PITPNM3: variants seen among roughly 807,000 people sequenced by gnomAD.
PITPNM3 encodes PITPNM family member 3.
PITPNM3 carries 26 observed loss-of-function variants against 102.0 expected under a neutral mutation model. That is an observed-to-expected ratio of 0.25 (90% confidence interval 0.19 to 0.35). The LOEUF (loss-of-function observed/expected upper bound fraction) is 0.35. Ranked by LOEUF, PITPNM3 falls within the 10% of genes least tolerant of loss-of-function variation. The pLI is 1.00. For synonymous variants in PITPNM3, 578 were observed against 558.6 expected, an observed-to-expected ratio of 1.03 and a Z score of -0.49; for missense variants, 1,083 against 1,346.1, an observed-to-expected ratio of 0.80 and a Z score of 3.06.
chr17:6,455,100 G>C lies in PITPNM3; in HGVS notation c.*238C>G. The stretch of plus-strand genomic sequence containing the variant: ...TGAACCCTGACTTGGGCTTGCGGTC[G>C]CAGGCCCGTGGGAGGCAGCAGTGGC... On this transcript the variant is annotated 3_prime_UTR_variant, in exon 20 of 20. Transcript: ENST00000262483. The C allele has an allele frequency of 1.8e-6, 1 of 550,032 alleles. No individual in the cohort carries two copies. Among genetic ancestry groups the C allele is most frequent in the Non-Finnish European group, 3.1e-6 (1 of 321,562 alleles). The allele number at this position is 550,032 out of a possible 1,614,324, so 34.1% of individuals were successfully genotyped here.
chr17:6,470,002 A>G lies in PITPNM3; in HGVS notation c.1773+258T>C, dbSNP rs1191742314. ...AGTCTCCAAGTTGAAACACTGGGAC[A>G]CTCTCCTGCGTAGTTTATATTTAAT... On this transcript the variant is annotated intron_variant, in intron 13 of 19. Transcript: ENST00000262483. The surrounding 1 kb of genome is among the most constrained non-coding windows in gnomAD (Gnocchi z 4.8). Among the ~76,000 whole-genome samples the G allele has an allele frequency of 1.3e-5, 2 of 152,004 alleles. No homozygotes were observed. Among genetic ancestry groups the G allele is most frequent in the Non-Finnish European group, 2.9e-5 (2 of 67,996 alleles).
intron 3 of PITPNM3, among the ~76,000 whole-genome samples, chr17:6,511,564 A>C (rs1907864988): frequency 6.6e-6 from 1 of 152,214 alleles, no homozygotes; most frequent in South Asian, 2.1e-4. Context: ...AACTAATTAA[A>C]AATTTCAAGA....
At chr17:6,483,919 A>C (rs752111259) in intron 5 of PITPNM3, among the ~76,000 whole-genome samples, 167 bp from the exon 6 acceptor site, 15 of 152,168 alleles carry the variant, frequency 9.9e-5, no homozygotes, top group Non-Finnish European at 2.1e-4. Context: ...TCTCAGCTGC[A>C]ATCTGAGGAG....
chr17:6,471,154 C>T lies in PITPNM3; in HGVS notation c.1624+7G>A. The T allele has an allele frequency of 1.2e-6, 2 of 1,611,918 alleles. No individual in the cohort carries two copies. Among genetic ancestry groups the T allele is most frequent in the Non-Finnish European group, 1.7e-6 (2 of 1,179,936 alleles). ...TCCAGGCAGGGCCCCAAAAGGACCT[C>T]ACTCACTGCGGGAGGCACCCACGGG... On this transcript the variant is annotated splice_region_variant and intron_variant, in intron 12 of 19. Transcript: ENST00000262483.
At chr17:6,480,481 G>A (rs1905596495) in intron 6 of PITPNM3, 2 of 152,276 alleles carry the variant, frequency 1.3e-5, no homozygotes. Context: ...ATTCTCCTGG[G>A]GAATTCGGAG....
chr17:6,535,194 C>CCAGGGTCAGGGT (rs143350275), intron 2 of PITPNM3, among the ~76,000 whole-genome samples: 7 of 151,466 alleles, frequency 4.6e-5, no homozygotes, highest in African/African-American at 1.7e-4. Flanking sequence ...GAGACCACAC[C>CCAGGGTCAGGGT]CAGGGTCAGG....
intron 2 of PITPNM3, among the ~76,000 whole-genome samples, chr17:6,528,580 T>C (rs538676969): frequency 1.3e-5 from 2 of 152,228 alleles, no homozygotes; most frequent in East Asian, 3.9e-4. Context: ...CATATGTGCA[T>C]GTGTGTGCAT....
chr17:6,551,427 C>T (rs1020237707), intron 1 of PITPNM3, among the ~76,000 whole-genome samples: 1 of 151,906 alleles, frequency 6.6e-6, no homozygotes. Context: ...TTGACCATAA[C>T]CTTCCCATTG....
chr17:6,482,919 G>A (rs962169902), intron 6 of PITPNM3, among the ~76,000 whole-genome samples: 2 of 151,798 alleles, frequency 1.3e-5, no homozygotes, highest in East Asian at 1.9e-4. Flanking sequence ...GACCCTGGGG[G>A]AAACTAGCTA....
At chr17:6,461,234 G>T in intron 18 of PITPNM3, 139 bp downstream of exon 18, 1 of 1,044,086 alleles carries the variant, frequency 9.6e-7, no homozygotes, top group Non-Finnish European at 1.4e-6. Flanking sequence ...GCTGCTAGAG[G>T]GCCCATCCAG....
rs544366718 is a variant in PITPNM3, at chr17:6,458,613, C to A, written c.2491-891G>T. Among the ~76,000 whole-genome samples, 110 of 152,258 alleles carry A rather than the reference C, an allele frequency of 7.2e-4. No individual in the cohort carries two copies. Among genetic ancestry groups the A allele is most frequent in the Non-Finnish European group, 1.2e-3 (83 of 68,020 alleles). On this transcript the variant is annotated intron_variant, in intron 18 of 19. Coordinates refer to ENST00000262483, the MANE Select transcript of PITPNM3 (RefSeq NM_031220.4). This position sits in a 1 kb window ranked among gnomAD's most constrained non-coding sequence, Gnocchi z 5.1. ...ATGTCCGCTCCGCTCAGGGCTTCTGCCCCCTCCCCACCACTTCTCCGCCAG... is the reference window on the plus strand; with the variant it reads ...ATGTCCGCTCCGCTCAGGGCTTCTGACCCCTCCCCACCACTTCTCCGCCAG...
intron 15 of PITPNM3, 80 bp from the exon 16 acceptor site, chr17:6,464,398 C>G (rs1904656641): frequency 1.4e-6 from 2 of 1,476,174 alleles, no homozygotes; most frequent in African/African-American, 1.4e-5. Flanking sequence ...CGGGGGAACT[C>G]TGGGCTGAGG....
At chr17:6,533,008 G>A (rs8074580) in intron 2 of PITPNM3, among the ~76,000 whole-genome samples, 39,259 of 152,034 alleles carry the variant, frequency 0.26, 5,535 homozygotes, top group East Asian at 0.33. Flanking sequence ...TGTTGCGCAG[G>A]CTGGAGTACA....
intron 1 of PITPNM3, among the ~76,000 whole-genome samples, chr17:6,540,273 G>T (rs868217741): frequency 2.6e-5 from 4 of 152,176 alleles, no homozygotes; most frequent in Non-Finnish European, 5.9e-5. Flanking sequence ...TTGGGTGCTC[G>T]CAAAGCTTAC....
At chr17:6,484,123 C>T in intron 5 of PITPNM3, 93 bp downstream of exon 5, 1 of 1,367,986 alleles carries the variant, frequency 7.3e-7, no homozygotes, top group South Asian at 1.2e-5. Flanking sequence ...AGACGAAGAG[C>T]TGGAAGAAAA....
chr17:6,455,472 G>A lies in PITPNM3; in HGVS notation c.2791C>T (p.Gln931Ter). Reference sequence around the variant, plus strand: ...GGGTTGGCGGCGGGCGGGTCGGGCTGCTGCACTGACATGGTTCTGCGCAGG... The same window carrying A: ...GGGTTGGCGGCGGGCGGGTCGGGCTACTGCACTGACATGGTTCTGCGCAGG... The part of the protein sequence containing the change: ...NHLRRTMSVQ[Q>*]PDPPAANPKP... The change falls in exon 20 of 20, where the codon CAG (glutamine) becomes TAG (stop). Residue 931 changes from glutamine to a stop codon, truncating the protein, a stop_gained. Transcript: ENST00000262483. LOFTEE classifies it high-confidence loss of function. 1 of 1,605,280 alleles carries A rather than the reference G, an allele frequency of 6.2e-7. No individual in the cohort carries two copies. The highest frequency in any genetic ancestry group is 1.1e-5 in the South Asian group (1 of 91,066).
intron 2 of PITPNM3, among the ~76,000 whole-genome samples, chr17:6,528,971 A>T (rs541946186): frequency 6.6e-6 from 1 of 152,272 alleles, no homozygotes; most frequent in East Asian, 1.9e-4. Flanking sequence ...CAGCGTGCTC[A>T]TTTGTATAAA....
In PITPNM3 at chr17:6,482,040, G is replaced by GTC. The variant is rs56855120; in HGVS notation, c.587+1475_587+1476dup. On this transcript the variant is annotated intron_variant, in intron 6 of 19. Transcript: ENST00000262483. ...TCTCTCTCTCTCTCTCTCTCTGTCT[G>GTC]TCTCTCTCTCTCTCTCTCTCTCTCT... Among the ~76,000 whole-genome samples, 63 of 55,170 alleles carry GTC rather than the reference G, an allele frequency of 1.1e-3. 2 individuals are homozygous for GTC. The highest frequency in any genetic ancestry group is 2.2e-3 in the East Asian group (6 of 2,694). The allele number at this position is 55,170 out of a possible 152,430, so 36.2% of individuals were successfully genotyped here. A position where few individuals can be genotyped will look rare whatever the true frequency, so the allele number is the denominator to read the frequency against.
rs536598833 is a variant in PITPNM3 at position 6,524,758 on chromosome 17, A to T, written c.226+598T>A. On this transcript the variant is annotated intron_variant, in intron 3 of 19. Coordinates refer to ENST00000262483, the MANE Select transcript of PITPNM3 (RefSeq NM_031220.4). ...CTCCTGCCAAGCACTTATACACAGT[A>T]GGTGCTCAATGAGCCTGTTAGTGAT... 2.6e-5 allele frequency among the ~76,000 whole-genome samples: 4 copies of T among 152,330 alleles called. No homozygotes were observed. In the South Asian group the frequency reaches 8.3e-4, roughly 32 times the overall value.
Sources: gnomAD v4.1 joint callset for allele counts (sites outside exome capture counted in the v4.1 genomes callset) on GRCh38, gnomAD v4.1.1 for gene constraint, Gnocchi (gnomAD v3.1) non-coding constraint, MANE v1.5 for transcripts, NCBI Gene and HGNC (gene_info 2026-07-23, HGNC 2026-07-21) for gene names.